The following AAMDC variants were observed in gnomAD, a reference collection of about 807,000 sequenced individuals.
AAMDC encodes adipogenesis associated Mth938 domain containing.
A neutral mutation model predicts 15.5 loss-of-function variants in AAMDC; 16 were observed. The observed-to-expected ratio is 1.03, with a 90% CI of 0.70 to 1.57. The LOEUF (loss-of-function observed/expected upper bound fraction) is 1.57, where lower values mean the gene tolerates loss of function less well. Ranked by LOEUF, AAMDC falls within the 40% of genes most tolerant of loss-of-function variation. The pLI is 0.00. For missense variants in AAMDC, 141 were observed against 144.9 expected (o/e 0.97, Z 0.14); for synonymous variants, 51 against 51.6 (o/e 0.99, Z 0.05).
chr11:77,890,735 G>T (rs1254526372), intron 5 of AAMDC, among the ~76,000 whole-genome samples: 1 of 152,212 alleles, frequency 6.6e-6, no homozygotes, highest in Non-Finnish European at 1.5e-5. Context: ...CGATTGCACA[G>T]ATGGATGGAA....
chr11:77,860,183 G>C (rs1950816715), intron 2 of AAMDC, among the ~76,000 whole-genome samples: 1 of 152,310 alleles, frequency 6.6e-6, no homozygotes, highest in African/African-American at 2.4e-5. Context: ...CTGGGGCTTG[G>C]GTTAGGGCCT....
intron 1 of AAMDC, among the ~76,000 whole-genome samples, chr11:77,833,009 A>ATT (rs781247642): frequency 0.21 from 12,661 of 59,846 alleles, 2,653 homozygotes; most frequent in Non-Finnish European, 0.22. Flanking sequence ...ATATATATAT[A>ATT]TTTTTTTTTT....
chr11:77,843,268 C>A (rs1040655001), intron 2 of AAMDC, among the ~76,000 whole-genome samples: 1 of 152,160 alleles, frequency 6.6e-6, no homozygotes, highest in Non-Finnish European at 1.5e-5. Flanking sequence ...CATTTCCCTG[C>A]ATTTCCTCAA....
At chr11:77,888,419 T>C (rs1952113572) in intron 5 of AAMDC, among the ~76,000 whole-genome samples, 2 of 152,172 alleles carry the variant, frequency 1.3e-5, no homozygotes, top group South Asian at 4.1e-4. Context: ...ATACAAAAAT[T>C]AATTCAAGAT....
At chr11:77,898,987 T>A (rs1232932335) in intron 5 of AAMDC, among the ~76,000 whole-genome samples, 1 of 152,182 alleles carries the variant, frequency 6.6e-6, no homozygotes, top group Non-Finnish European at 1.5e-5. Flanking sequence ...GCCACTGCAC[T>A]CCAGCCTGGG....
chr11:77,848,833 T>G lies in AAMDC; in HGVS notation c.132+6205T>G, dbSNP rs183313561. Among the ~76,000 whole-genome samples the G allele has an allele frequency of 1.3e-3, 193 of 152,350 alleles. 1 individual carries two copies. Among genetic ancestry groups the G allele is most frequent in the African/African-American group, 4.5e-3 (186 of 41,586 alleles). On this transcript the variant is annotated intron_variant, in intron 2 of 3. Coordinates refer to ENST00000393427, the MANE Select transcript of AAMDC (RefSeq NM_024684.4). ...ATATCCACAACACTGTCTCCCAAGC[T>G]GGAGTGCAGGGTTGTAATCATAGCT...
chr11:77,845,947 T>C (rs190711193), intron 2 of AAMDC, among the ~76,000 whole-genome samples: 3 of 152,282 alleles, frequency 2.0e-5, no homozygotes, highest in Admixed American at 6.5e-5. Flanking sequence ...AATCCCCATA[T>C]GGACCTGCCT....
At position 77,863,264 on chromosome 11, in the gene AAMDC, C is replaced by T. The variant is rs140056761; in HGVS notation, c.133-6458C>T. Among the ~76,000 whole-genome samples the T allele has an allele frequency of 2.9e-3, 438 of 152,184 alleles. 1 individual carries two copies. The highest frequency in any genetic ancestry group is 9.9e-3 in the African/African-American group (413 of 41,512). ...AGCCTTTATTTAGCCCAATCGGGAGCGGCAATGGGCGCTCAGGAGCACAGC... is the reference window on the plus strand; with the variant it reads ...AGCCTTTATTTAGCCCAATCGGGAGTGGCAATGGGCGCTCAGGAGCACAGC... On this transcript the variant is annotated intron_variant, in intron 2 of 3. Coordinates refer to ENST00000393427, the MANE Select transcript of AAMDC (RefSeq NM_024684.4).
At chr11:77,840,942 A>G (rs1328248051) in intron 1 of AAMDC, 6 of 453,716 alleles carry the variant, frequency 1.3e-5, no homozygotes, top group African/African-American at 3.8e-5. Flanking sequence ...TGCTTAATCC[A>G]TGTTGTGCTC....
chr11:77,860,354 A>G lies in AAMDC; in HGVS notation c.133-9368A>G, dbSNP rs1189643577. Among the ~76,000 whole-genome samples the G allele has an allele frequency of 6.6e-5, 10 of 152,214 alleles. No homozygotes were observed. The East Asian group carries it at 1.9e-3, about 29-fold the overall frequency. On this transcript the variant is annotated intron_variant, in intron 2 of 3. Coordinates refer to ENST00000393427, the MANE Select transcript of AAMDC (RefSeq NM_024684.4). ...GCCTGTTATGCTAAGGAATCCTCTTAGTTGCTTTAGGGTTTGGGATGAGGA... is the reference window on the plus strand; with the variant it reads ...GCCTGTTATGCTAAGGAATCCTCTTGGTTGCTTTAGGGTTTGGGATGAGGA...
intron 3 of AAMDC, among the ~76,000 whole-genome samples, chr11:77,870,484 C>T (rs1036347209): frequency 3.3e-5 from 5 of 151,354 alleles, no homozygotes; most frequent in African/African-American, 1.2e-4. Flanking sequence ...CTACAGGCGC[C>T]CACCACCACG....
chr11:77,884,351 C>G (rs1054224783), intron 5 of AAMDC, among the ~76,000 whole-genome samples: 4 of 152,326 alleles, frequency 2.6e-5, no homozygotes, highest in Admixed American at 2.6e-4. Flanking sequence ...TAATTGCATT[C>G]TTTCCACTAC....
At chr11:77,884,531 T>A (rs1483863766) in intron 5 of AAMDC, among the ~76,000 whole-genome samples, 1 of 152,152 alleles carries the variant, frequency 6.6e-6, no homozygotes, top group Non-Finnish European at 1.5e-5. Context: ...CCTACTATAC[T>A]GCAGCGCACA....
At chr11:77,845,577 C>T (rs998172588) in intron 2 of AAMDC, among the ~76,000 whole-genome samples, 3 of 152,106 alleles carry the variant, frequency 2.0e-5, no homozygotes, top group South Asian at 2.1e-4. Context: ...ATTACAGGTG[C>T]ACCCCACCAT....
downstream of AAMDC, among the ~76,000 whole-genome samples, chr11:77,876,245 C>T (rs1230523099): frequency 6.6e-6 from 1 of 152,156 alleles, no homozygotes; most frequent in Non-Finnish European, 1.5e-5. Context: ...GAACAGACCC[C>T]TGTGATGAAA....
At chr11:77,880,861 C>G (rs1436045566) in intron 5 of AAMDC, among the ~76,000 whole-genome samples, 2 of 152,060 alleles carry the variant, frequency 1.3e-5, no homozygotes, top group African/African-American at 4.8e-5. Context: ...GGAGGAACCA[C>G]TTGAGCCCGA....
At chr11:77,837,535 A>T (rs902925501) in intron 1 of AAMDC, among the ~76,000 whole-genome samples, 15 of 151,676 alleles carry the variant, frequency 9.9e-5, no homozygotes, top group African/African-American at 2.9e-4. Flanking sequence ...GCTCATTGTT[A>T]CCTCCACCTC....
intron 2 of AAMDC, among the ~76,000 whole-genome samples, chr11:77,858,610 A>G (rs1157218571): frequency 6.6e-6 from 1 of 152,138 alleles, no homozygotes; most frequent in Non-Finnish European, 1.5e-5. Flanking sequence ...AAATCCAGCT[A>G]GTCCTGTCTC....
At chr11:77,844,899 C>T (rs768936354) in intron 2 of AAMDC, among the ~76,000 whole-genome samples, 6 of 152,130 alleles carry the variant, frequency 3.9e-5, no homozygotes, top group Admixed American at 2.6e-4. Context: ...TTTGATCAAT[C>T]GTCTTTTTCT....
Sources: gnomAD v4.1 joint callset for allele counts (sites outside exome capture counted in the v4.1 genomes callset) on GRCh38, gnomAD v4.1.1 for gene constraint, MANE v1.5 for transcripts, NCBI Gene and HGNC (gene_info 2026-07-23, HGNC 2026-07-21) for gene names.